TASP1: variants seen among roughly 807,000 people sequenced by gnomAD.
TASP1 encodes the protein threonine aspartase 1.
TASP1 carries 16 observed loss-of-function variants against 56.6 expected under a neutral mutation model. That is an observed-to-expected ratio of 0.28 (90% CI 0.19 to 0.43). The LOEUF (loss-of-function observed/expected upper bound fraction) is 0.43, where lower values mean the gene tolerates loss of function less well. TASP1 is among the 20% of genes least tolerant of loss of function. TASP1 has a pLI of 1.00. For synonymous variants in TASP1, 179 were observed against 184.2 expected (o/e 0.97, Z 0.23); for missense variants, 393 against 511.6 (o/e 0.77, Z 2.24).
At chr20:13,618,662 A>G (rs182709415) in intron 4 of TASP1, among the ~76,000 whole-genome samples, 4 of 152,274 alleles carry the variant, frequency 2.6e-5, no homozygotes, top group Admixed American at 2.0e-4. Context: ...AATCTCCCCT[A>G]TAAACACTAA....
intron 4 of TASP1, among the ~76,000 whole-genome samples, chr20:13,591,414 C>G (rs1187230384): frequency 1.9e-4 from 29 of 151,992 alleles, no homozygotes; most frequent in Non-Finnish European, 4.4e-5. Context: ...CAATGCAAGA[C>G]AGAAGACAAT....
the TASP1 span, among the ~76,000 whole-genome samples, chr20:13,242,822 T>G: frequency 6.6e-6 from 1 of 152,206 alleles, no homozygotes; most frequent in East Asian, 1.9e-4. Context: ...ATGTGTGAAG[T>G]AGTGGGAGCT....
At chr20:13,173,669 A>T in the TASP1 span, among the ~76,000 whole-genome samples, 1 of 152,078 alleles carries the variant, frequency 6.6e-6, no homozygotes, top group Non-Finnish European at 1.5e-5. Flanking sequence ...AACAGAGGTG[A>T]TAGGTTTCTC....
At chr20:13,106,463 G>C in the TASP1 span, among the ~76,000 whole-genome samples, 87 of 152,282 alleles carry the variant, frequency 5.7e-4, no homozygotes, top group African/African-American at 2.0e-3. Flanking sequence ...GACGAGAAGA[G>C]TTTGGGTTAA....
chr20:13,362,955 C>A, the TASP1 span, among the ~76,000 whole-genome samples: 1 of 151,632 alleles, frequency 6.6e-6, no homozygotes, highest in South Asian at 2.1e-4. Flanking sequence ...GTCCTGGTTC[C>A]TGAGACAGGG....
the TASP1 span, chr20:13,292,578 T>C: frequency 2.9e-6 from 2 of 684,514 alleles, no homozygotes. Flanking sequence ...TTTTCTGGGG[T>C]CCAGTGCTCC....
At chr20:13,160,639 G>A in the TASP1 span, among the ~76,000 whole-genome samples, 4 of 152,206 alleles carry the variant, frequency 2.6e-5, no homozygotes, top group Non-Finnish European at 4.4e-5. Context: ...ATGTGAATGA[G>A]TAATATCAGA....
At chr20:13,221,157 G>A in the TASP1 span, among the ~76,000 whole-genome samples, 5 of 151,778 alleles carry the variant, frequency 3.3e-5, no homozygotes, top group African/African-American at 1.2e-4. Flanking sequence ...GAGTGGCTCG[G>A]GGCGGCGAGG....
chr20:13,107,406 ATGG>A, the TASP1 span, among the ~76,000 whole-genome samples: 200 of 152,356 alleles, frequency 1.3e-3, 1 homozygote, highest in African/African-American at 4.5e-3. Context: ...CTAATGAAAA[ATGG>A]TGTCCAGATG....
the TASP1 span, chr20:13,299,058 T>C: frequency 6.2e-7 from 1 of 1,613,796 alleles, no homozygotes; most frequent in Non-Finnish European, 8.5e-7. The surrounding 1 kb of genome is among the most constrained non-coding windows in gnomAD (Gnocchi z 5.8). Context: ...TGAGGTGGCC[T>C]ACAGCACGGC....
intron 8 of TASP1, among the ~76,000 whole-genome samples, chr20:13,557,572 G>GGTTT (rs1293106640): frequency 1.0e-5 from 1 of 99,736 alleles, no homozygotes; most frequent in African/African-American, 4.1e-5. Context: ...GATGTTTTTG[G>GGTTT]TTTTTTTTTT....
At chr20:13,150,658 A>G in the TASP1 span, among the ~76,000 whole-genome samples, 1 of 152,062 alleles carries the variant, frequency 6.6e-6, no homozygotes, top group Non-Finnish European at 1.5e-5. Context: ...TACTCCTTCC[A>G]ATCATTAAAT....
the TASP1 span, among the ~76,000 whole-genome samples, chr20:13,322,289 C>T: frequency 6.6e-6 from 1 of 152,132 alleles, no homozygotes. Flanking sequence ...TGCTGCATCT[C>T]CTGGGTGTCC....
intron 4 of TASP1, among the ~76,000 whole-genome samples, chr20:13,603,323 A>C (rs1347106129): frequency 6.6e-6 from 1 of 152,156 alleles, no homozygotes; most frequent in Non-Finnish European, 1.5e-5. Context: ...AGACAGCTTG[A>C]ATCCGGCAGT....
At chr20:13,561,110 C>T (rs1208565009) in intron 7 of TASP1, among the ~76,000 whole-genome samples, 5 of 152,082 alleles carry the variant, frequency 3.3e-5, no homozygotes, top group African/African-American at 7.2e-5. Flanking sequence ...AGTGGCCAAA[C>T]GATCCTTCAA....
At chr20:13,426,722 TATC>T (rs33969877) in intron 12 of TASP1, among the ~76,000 whole-genome samples, 2,535 of 152,262 alleles carry the variant, frequency 0.017, 71 homozygotes, top group African/African-American at 0.056. Context: ...AAAGTTTAAA[TATC>T]ATGTCTGCCT....
intron 5 of TASP1, among the ~76,000 whole-genome samples, chr20:13,583,897 T>C (rs1387544728): frequency 2.0e-5 from 3 of 152,236 alleles, no homozygotes; most frequent in African/African-American, 4.8e-5. Context: ...TTGGCCAGCA[T>C]GGTGAAACCC....
At position 13,509,086 on chromosome 20, in the gene TASP1, CTAAG is replaced by C. The variant is rs1204574603; in HGVS notation, c.874+19343_874+19346del. The stretch of plus-strand genomic sequence containing the variant: ...ACAATAGCCAAGATATGGAAACTAC[CTAAG>C]TGTCTATCAATGAATGAATGAATGA... On this transcript the variant is annotated intron_variant, in intron 10 of 13. Coordinates refer to ENST00000337743, the MANE Select transcript of TASP1 (RefSeq NM_017714.3). Among the ~76,000 whole-genome samples the C allele has an allele frequency of 7.3e-5, 11 of 151,002 alleles. 1 individual carries two copies. The South Asian group carries it at 2.1e-3, about 29-fold the overall frequency.
chr20:13,631,388 C>A (rs1416355139), intron 1 of TASP1, among the ~76,000 whole-genome samples: 2 of 152,088 alleles, frequency 1.3e-5, no homozygotes, highest in Non-Finnish European at 2.9e-5. Context: ...TCTTCCTAAC[C>A]ATGTTTTTCT....
Sources: gnomAD v4.1 joint callset for allele counts (sites outside exome capture counted in the v4.1 genomes callset) on GRCh38, gnomAD v4.1.1 for gene constraint, Gnocchi (gnomAD v3.1) non-coding constraint, MANE v1.5 for transcripts, NCBI Gene and HGNC (gene_info 2026-07-23, HGNC 2026-07-21) for gene names.